PLBD1: variants seen among roughly 807,000 people sequenced by gnomAD.
The protein encoded by PLBD1 is lysosomal leucine aminopeptidase.
In PLBD1, 60 loss-of-function variants were observed where a neutral mutation model predicts 63.0. The observed-to-expected ratio is 0.95, with a 90% CI of 0.77 to 1.18. The LOEUF (loss-of-function observed/expected upper bound fraction) is 1.18, where lower values mean the gene tolerates loss of function less well. PLBD1 is among the 50% of genes most tolerant of loss of function. The pLI, the probability that PLBD1 is intolerant of heterozygous loss-of-function variation, is 0.00. For synonymous variants in PLBD1, 262 were observed against 248.0 expected, an observed-to-expected ratio of 1.06 and a Z score of -0.53; for missense variants, 598 against 677.9, an observed-to-expected ratio of 0.88 and a Z score of 1.31.
chr12:14,567,841 C>A lies in PLBD1; in HGVS notation c.-145G>T. On this transcript the variant is annotated 5_prime_UTR_variant, in exon 1 of 11. Coordinates refer to ENST00000240617, the MANE Select transcript of PLBD1 (RefSeq NM_024829.6). ...CCTCAACTTTCCTCTTTCTTGAGCC[C>A]GGCCTGCTCCGGGCTCTGAGGGGCG... is the stretch of plus-strand genomic sequence containing the variant. 1 of 1,150,678 alleles carries A rather than the reference C, an allele frequency of 8.7e-7. No individual in the cohort carries two copies. The highest frequency in any genetic ancestry group is 2.1e-5 in the South Asian group (1 of 47,628). 71.3% of individuals were successfully genotyped at this position (1,150,678 alleles called of 1,614,324 possible).
intron 10 of PLBD1, among the ~76,000 whole-genome samples, chr12:14,505,913 A>T (rs2136902001): frequency 6.6e-6 from 1 of 152,368 alleles, no homozygotes; most frequent in East Asian, 1.9e-4. Flanking sequence ...TGAGGTAAGT[A>T]CTGTTATATC....
At position 14,511,535 on chromosome 12, in the gene PLBD1, C is replaced by T; in HGVS notation, c.1021G>A (p.Asp341Asn). 6.2e-7 allele frequency: 1 copy of T among 1,614,224 alleles called. No individual in the cohort carries two copies. Among genetic ancestry groups the T allele is most frequent in the Non-Finnish European group, 8.5e-7 (1 of 1,180,040 alleles). ...CCAGAGTTGTATTTTGAAAAGATGT[C>T]TGCCCACCTCTTGCCACTATCTGCC... ...MMADSGKRWA[D>N]IFSKYNSGTY... The change falls in exon 7 of 11, where the codon GAC (aspartate) becomes AAC (asparagine). Residue 341 changes from aspartate (D) to asparagine (N), a missense_variant. Asp to Asn is a conservative substitution (Grantham distance 23, BLOSUM62 1). Coordinates refer to ENST00000240617, the MANE Select transcript of PLBD1 (RefSeq NM_024829.6).
chr12:14,547,004 C>A (rs900354566), intron 2 of PLBD1, among the ~76,000 whole-genome samples: 12 of 151,972 alleles, frequency 7.9e-5, no homozygotes, highest in African/African-American at 2.9e-4. Context: ...CCTTAGCCTC[C>A]CAAGTAGCTA....
At chr12:14,521,966 T>G (rs575387198) in intron 6 of PLBD1, among the ~76,000 whole-genome samples, 2 of 151,336 alleles carry the variant, frequency 1.3e-5, no homozygotes, top group Non-Finnish European at 2.9e-5. Flanking sequence ...AAAAAACTCT[T>G]GGAGCTGAAG....
chr12:14,555,960 GC>G (rs1363528087), intron 1 of PLBD1, among the ~76,000 whole-genome samples: 1 of 152,194 alleles, frequency 6.6e-6, no homozygotes, highest in African/African-American at 2.4e-5. Context: ...GCAGTGCCTG[GC>G]CCATAATGGG....
rs1453907606 is a variant in PLBD1 at position 14,511,647 on chromosome 12, T to A, written c.909A>T (p.Thr303=). ...GCAGGGTTTTATTAAACACACTGTTTGTGGTCTGCAGCAATATCAATCCAC... is the reference window on the plus strand; with the variant it reads ...GCAGGGTTTTATTAAACACACTGTTAGTGGTCTGCAGCAATATCAATCCAC... ...LSSGLILLQT[T]NSVFNKTLLK... is the part of the protein sequence containing the mutation. The change falls in exon 7 of 11, where the codon ACA becomes ACT. Residue 303 remains threonine (T), a synonymous_variant. Transcript: ENST00000240617. The A allele has an allele frequency of 6.2e-7, 1 of 1,614,066 alleles. No homozygotes were observed. The highest frequency in any genetic ancestry group is 1.7e-5 in the Admixed American group (1 of 60,004).
intron 2 of PLBD1, among the ~76,000 whole-genome samples, chr12:14,545,235 T>C (rs1945608190): frequency 6.6e-6 from 1 of 152,256 alleles, no homozygotes; most frequent in South Asian, 2.1e-4. Flanking sequence ...AGGCTAGGAC[T>C]TACATCACCA....
At chr12:14,562,951 A>G (rs1342578164) in intron 1 of PLBD1, among the ~76,000 whole-genome samples, 1 of 152,208 alleles carries the variant, frequency 6.6e-6, no homozygotes, top group Middle Eastern at 3.2e-3. Context: ...CACTCAAGAC[A>G]AAGTTCATAT....
intron 5 of PLBD1, chr12:14,536,201 AG>A (rs1267506251): frequency 4.3e-6 from 1 of 233,592 alleles, no homozygotes; most frequent in Non-Finnish European, 8.3e-6. Flanking sequence ...CGGGAAGCTG[AG>A]GCAGGAGAAT....
chr12:14,536,491 AGAT>A (rs1422263814), intron 5 of PLBD1, 76 bp downstream of exon 5: 7 of 1,477,834 alleles, frequency 4.7e-6, no homozygotes, highest in Middle Eastern at 3.5e-4. Flanking sequence ...AGGGGTGATG[AGAT>A]GTTGCTATAC....
At chr12:14,534,758 G>A (rs1945498792) in intron 6 of PLBD1, among the ~76,000 whole-genome samples, 1 of 152,200 alleles carries the variant, frequency 6.6e-6, no homozygotes, top group East Asian at 1.9e-4. Context: ...TAGCCAGGAT[G>A]GTCTCAATCT....
rs1266242651 is a variant in PLBD1 at position 14,553,449 on chromosome 12, A to G, written c.116-37T>C. On this transcript the variant is annotated intron_variant, in intron 1 of 10. Transcript: ENST00000240617. Reference sequence around the variant, plus strand: ...GGGAATAATGACAAAAACGCCATTCAAATGAGTTGTGATGCATTTTTTTCC... The same window carrying G: ...GGGAATAATGACAAAAACGCCATTCGAATGAGTTGTGATGCATTTTTTTCC... The G allele has an allele frequency of 2.6e-6, 4 of 1,527,640 alleles. No homozygotes were observed. In the Middle Eastern group the frequency reaches 5.1e-4, roughly 195 times the overall value. 94.6% of individuals were successfully genotyped at this position (1,527,640 alleles called of 1,614,324 possible). A position where few individuals can be genotyped will look rare whatever the true frequency, so the allele number is the denominator to read the frequency against.
chr12:14,522,955 A>G (rs186983337), intron 6 of PLBD1, among the ~76,000 whole-genome samples: 3 of 152,208 alleles, frequency 2.0e-5, no homozygotes, highest in East Asian at 3.9e-4. Context: ...GATCTGGAAC[A>G]AGACACAAAT....
intron 6 of PLBD1, among the ~76,000 whole-genome samples, chr12:14,534,130 T>C (rs1945490332): frequency 6.6e-6 from 1 of 152,180 alleles, no homozygotes; most frequent in Non-Finnish European, 1.5e-5. Context: ...CCTGGGGCGA[T>C]AGGGTGAGAC....
intron 1 of PLBD1, 89 bp downstream of exon 1, chr12:14,567,493 C>T (rs1315057217): frequency 1.3e-5 from 18 of 1,383,738 alleles, no homozygotes; most frequent in Non-Finnish European, 1.7e-5. Context: ...GCCCGCTGGA[C>T]GTCAACTCGG....
intron 2 of PLBD1, among the ~76,000 whole-genome samples, chr12:14,549,856 C>T (rs145705902): frequency 4.1e-4 from 63 of 152,070 alleles, no homozygotes; most frequent in East Asian, 9.7e-4. Context: ...TTAGTAGAGA[C>T]GGGTTTTCGC....
chr12:14,552,564 GACA>G (rs758718172), intron 2 of PLBD1, among the ~76,000 whole-genome samples: 11 of 152,086 alleles, frequency 7.2e-5, no homozygotes, highest in Admixed American at 1.3e-4. Context: ...CTTTCTACCA[GACA>G]ACAAGTGACT....
Position 14,567,767 on chromosome 12 carries a change from G to T in PLBD1, c.-71C>A. 1 of 1,380,768 alleles carries T rather than the reference G, an allele frequency of 7.2e-7. No individual in the cohort carries two copies. The highest frequency in any genetic ancestry group is 1.7e-5 in the South Asian group (1 of 60,406). 85.5% of individuals were successfully genotyped at this position (1,380,768 alleles called of 1,614,324 possible). On this transcript the variant is annotated 5_prime_UTR_variant, in exon 1 of 11. Transcript: ENST00000240617. ...TGGCCCGCGGTGGCAGAAGTTGCAAGAGAGGCTCCTGGCCTACTCAGGGGC... is the reference window on the plus strand; with the variant it reads ...TGGCCCGCGGTGGCAGAAGTTGCAATAGAGGCTCCTGGCCTACTCAGGGGC...
chr12:14,509,621 G>C (rs1294872841), intron 8 of PLBD1, among the ~76,000 whole-genome samples: 1 of 152,164 alleles, frequency 6.6e-6, no homozygotes, highest in Non-Finnish European at 1.5e-5. Context: ...CCACTGACAA[G>C]GCTCACTCTA....
Sources: gnomAD v4.1 joint callset for allele counts (sites outside exome capture counted in the v4.1 genomes callset) on GRCh38, gnomAD v4.1.1 for gene constraint, MANE v1.5 for transcripts, NCBI Gene and HGNC (gene_info 2026-07-23, HGNC 2026-07-21) for gene names.